Variants in NDST3 observed in about 807,000 individuals in gnomAD.
NDST3 encodes the protein bifunctional heparan sulfate N-deacetylase/N-sulfotransferase 3.
In NDST3, 58 loss-of-function variants were observed where a neutral mutation model predicts 96.1. That is an observed-to-expected ratio of 0.60 (90% CI 0.49 to 0.75). The LOEUF is 0.75. Among genes scored for constraint, NDST3 ranks in the 30% least tolerant of loss-of-function variants. NDST3 has a pLI of 0.00. For synonymous variants in NDST3, 333 were observed against 359.7 expected, an observed-to-expected ratio of 0.93 and a Z score of 0.84; for missense variants, 788 against 1,034.2, an observed-to-expected ratio of 0.76 and a Z score of 3.27.
In NDST3 at chr4:118,098,517, G is replaced by A. The variant is rs114182358; in HGVS notation, c.982-6501G>A. Among the ~76,000 whole-genome samples the A allele has an allele frequency of 1.2e-3, 185 of 152,010 alleles. 1 individual carries two copies. Among genetic ancestry groups the A allele is most frequent in the African/African-American group, 3.8e-3 (157 of 41,484 alleles). On this transcript the variant is annotated intron_variant, in intron 2 of 13. Transcript: ENST00000296499. ...AGTTTTCTCTTTTCCCCACTAACCT[G>A]TCATTATTTGCCAATTTCAGCTCAA...
intron 10 of NDST3, among the ~76,000 whole-genome samples, chr4:118,237,961 T>G (rs913646285): frequency 1.3e-5 from 2 of 151,874 alleles, no homozygotes; most frequent in African/African-American, 4.8e-5. Context: ...GGAGACTCTG[T>G]CTCTACAAAT....
At chr4:118,036,487 A>G (rs1251446718) in intron 1 of NDST3, among the ~76,000 whole-genome samples, 2 of 152,184 alleles carry the variant, frequency 1.3e-5, no homozygotes, top group African/African-American at 4.8e-5. Context: ...TGCTGTGTCT[A>G]TTATAAATGA....
At position 118,251,119 on chromosome 4, in the gene NDST3, A is replaced by ATTAT. The variant is rs1239667222; in HGVS notation, c.2400-2378_2400-2377insATTT. ...TTATTTATTTATTTATTTATTTATT[A>ATTAT]TTTTTATTTTATTTTTTTTTTTTTT... On this transcript the variant is annotated intron_variant, in intron 12 of 13. Coordinates refer to ENST00000296499, the MANE Select transcript of NDST3 (RefSeq NM_004784.3). Among the ~76,000 whole-genome samples, 54 of 94,502 alleles carry ATTAT rather than the reference A, an allele frequency of 5.7e-4. 1 individual carries two copies. Among genetic ancestry groups the ATTAT allele is most frequent in the Non-Finnish European group, 6.6e-4 (27 of 40,914 alleles). 62.0% of individuals were successfully genotyped at this position (94,502 alleles called of 152,430 possible).
intron 6 of NDST3, among the ~76,000 whole-genome samples, chr4:118,161,631 T>C (rs1238721908): frequency 6.6e-6 from 1 of 152,094 alleles, no homozygotes; most frequent in African/African-American, 2.4e-5. Flanking sequence ...TCAGACTGCT[T>C]TGCTAGCAAT....
At chr4:118,227,225 A>G (rs549052743) in intron 8 of NDST3, among the ~76,000 whole-genome samples, 6 of 61,120 alleles carry the variant, frequency 9.8e-5, no homozygotes, top group Non-Finnish European at 2.0e-4. Context: ...TTGGTAGCAC[A>G]TGTTTTTTTT....
intron 6 of NDST3, among the ~76,000 whole-genome samples, chr4:118,215,626 CA>C (rs35017662): frequency 0.3 from 44,782 of 151,802 alleles, 8,101 homozygotes; most frequent in Middle Eastern, 0.43. Flanking sequence ...AGGGAAGGAC[CA>C]GTGGAGAGGA....
In NDST3 at chr4:118,258,626, G is replaced by T. The variant is rs570988655; in HGVS notation, c.*2914G>T. On this transcript the variant is annotated 3_prime_UTR_variant, in exon 14 of 14. Coordinates refer to ENST00000296499, the MANE Select transcript of NDST3 (RefSeq NM_004784.3). Reference sequence around the variant, plus strand: ...CATATGTACAACAATAAACTGATAGGAAAATGAAGAGTTTGGACCTGGTGA... The same window carrying T: ...CATATGTACAACAATAAACTGATAGTAAAATGAAGAGTTTGGACCTGGTGA... 6.6e-6 allele frequency: 1 copy of T among 152,164 alleles called. No individual in the cohort carries two copies. Among genetic ancestry groups the T allele is most frequent in the East Asian group, 1.9e-4 (1 of 5,180 alleles). The allele number at this position is 152,164 out of a possible 1,614,324, so 9.4% of individuals were successfully genotyped here.
At chr4:118,189,558 C>A (rs1193803154) in intron 6 of NDST3, among the ~76,000 whole-genome samples, 3 of 152,082 alleles carry the variant, frequency 2.0e-5, no homozygotes, top group South Asian at 2.1e-4. Context: ...ATACTTAACA[C>A]AAATATGATT....
chr4:118,148,758 A>T lies in NDST3; in HGVS notation c.1539+5074A>T, dbSNP rs1258098640. On this transcript the variant is annotated intron_variant, in intron 6 of 13. Coordinates refer to ENST00000296499, the MANE Select transcript of NDST3 (RefSeq NM_004784.3). ...AAATTCATCTGAAAGGAAATAATACATTGACCTAATGGGAAGTTTTATGTT... is the reference window on the plus strand; with the variant it reads ...AAATTCATCTGAAAGGAAATAATACTTTGACCTAATGGGAAGTTTTATGTT... Among the ~76,000 whole-genome samples, 3 of 152,208 alleles carry T rather than the reference A, an allele frequency of 2.0e-5. 1 individual carries two copies. Among genetic ancestry groups the T allele is most frequent in the Admixed American group, 2.0e-4 (3 of 15,282 alleles).
intron 4 of NDST3, among the ~76,000 whole-genome samples, chr4:118,133,438 G>A (rs1034170698): frequency 1.3e-5 from 2 of 152,188 alleles, no homozygotes; most frequent in East Asian, 3.9e-4. Context: ...CCACTGCCGG[G>A]AGATAGGGGA....
rs1184082295 is a variant in NDST3, at chr4:118,240,659, A to G, written c.2254A>G (p.Ile752Val). ...GGTCCCGGGGTGGTATGCCAGCCAC[A>G]TCGAGAGATGGCTTGTTTATTTCCC... ...CLVPGWYASH[I>V]ERWLVYFPPF... Residue 752 changes from isoleucine to valine, a missense_variant, in exon 11 of 14, where the codon ATC becomes GTC. Around this residue, in one of 3 missense-constraint regions of NDST3, gnomAD observed 490 missense variants for 708.8 expected, o/e 0.69. Transcript: ENST00000296499. 1 of 1,613,790 alleles carries G rather than the reference A, an allele frequency of 6.2e-7. No individual in the cohort carries two copies. The highest frequency in any genetic ancestry group is 2.2e-5 in the East Asian group (1 of 44,868).
chr4:118,191,009 T>A (rs1415082992), intron 6 of NDST3, among the ~76,000 whole-genome samples: 1 of 152,186 alleles, frequency 6.6e-6, no homozygotes, highest in African/African-American at 2.4e-5. Context: ...CATTTGCCAG[T>A]TTTTAAAGAG....
At chr4:118,049,251 A>T (rs1320482144) in intron 1 of NDST3, among the ~76,000 whole-genome samples, 3 of 152,126 alleles carry the variant, frequency 2.0e-5, no homozygotes, top group Non-Finnish European at 4.4e-5. Flanking sequence ...TATAGCATTA[A>T]ATGCCTTCAT....
chr4:118,232,732 C>A (rs1740391417), intron 8 of NDST3, among the ~76,000 whole-genome samples: 1 of 151,548 alleles, frequency 6.6e-6, no homozygotes, highest in Non-Finnish European at 1.5e-5. Flanking sequence ...CTGAGACAAA[C>A]AGAAGCTAAA....
intron 2 of NDST3, among the ~76,000 whole-genome samples, chr4:118,098,009 T>G (rs956201580): frequency 6.6e-5 from 10 of 150,720 alleles, no homozygotes; most frequent in Non-Finnish European, 1.2e-4. Context: ...CAAACCTTTT[T>G]TTGGAAGGGG....
At chr4:118,194,513 A>G (rs1737535117) in intron 6 of NDST3, 1 of 719,022 alleles carries the variant, frequency 1.4e-6, no homozygotes. Context: ...CCCTTTTCCC[A>G]GGTCAAAGGA....
At chr4:118,051,686 C>A (rs1006771738) in intron 1 of NDST3, among the ~76,000 whole-genome samples, 5 of 151,988 alleles carry the variant, frequency 3.3e-5, no homozygotes, top group African/African-American at 1.2e-4. Context: ...TCTCTCTTTG[C>A]TGATGATATG....
chr4:118,121,936 C>T (rs1385185616), intron 4 of NDST3, among the ~76,000 whole-genome samples: 1 of 152,014 alleles, frequency 6.6e-6, no homozygotes, highest in Non-Finnish European at 1.5e-5. Flanking sequence ...AATTCCTGTC[C>T]AGATTACCTT....
In NDST3 at chr4:118,124,875, A is replaced by C. The variant is rs558728404; in HGVS notation, c.1224+9915A>C. ...TTATCCAAAGACTTTTGTTACTTTTATTTTATAGCCATATTTTTTGCTATC... is the reference window on the plus strand; with the variant it reads ...TTATCCAAAGACTTTTGTTACTTTTCTTTTATAGCCATATTTTTTGCTATC... On this transcript the variant is annotated intron_variant, in intron 4 of 13. Transcript: ENST00000296499. Among the ~76,000 whole-genome samples, 594 of 152,052 alleles carry C rather than the reference A, an allele frequency of 3.9e-3. 3 individuals carry two copies. The highest frequency in any genetic ancestry group is 6.9e-3 in the Non-Finnish European group (467 of 67,942).
Sources: allele counts gnomAD v4.1 joint callset (sites outside exome capture counted in the v4.1 genomes callset), GRCh38; gene constraint gnomAD v4.1.1; regional missense constraint gnomAD v4.1.1; transcripts MANE v1.5; gene names NCBI Gene and HGNC (gene_info 2026-07-23, HGNC 2026-07-21).